Variants in LCORL observed in about 807,000 individuals in gnomAD.
The protein encoded by LCORL is ligand dependent nuclear receptor corepressor like, also known as ligand-dependent nuclear receptor corepressor-like protein.
A neutral mutation model predicts 141.8 loss-of-function variants in LCORL; 41 were observed. The ratio of observed to expected loss-of-function variants is 0.29; its 90% confidence interval spans 0.23 to 0.38. LCORL has a LOEUF of 0.38. LCORL is among the 10% of genes least tolerant of loss of function. LCORL has a pLI of 1.00. For synonymous variants in LCORL, 618 were observed against 694.1 expected (o/e 0.89, Z 1.72); for missense variants, 1,759 against 2,035.0 (o/e 0.86, Z 2.61).
intron 4 of LCORL, among the ~76,000 whole-genome samples, chr4:17,910,946 G>C (rs1732422114): frequency 6.6e-6 from 1 of 152,184 alleles, no homozygotes; most frequent in South Asian, 2.1e-4. Flanking sequence ...TTTAGAACCT[G>C]ATAGGAAAGA....
At chr4:17,882,892 C>A in intron 6 of LCORL, 1 of 965,576 alleles carries the variant, frequency 1.0e-6, no homozygotes, top group Non-Finnish European at 1.2e-6. Flanking sequence ...TCTTTTCTAA[C>A]CTTACACATT....
At chr4:18,002,048 A>G (rs992185654) in intron 1 of LCORL, among the ~76,000 whole-genome samples, 6 of 151,960 alleles carry the variant, frequency 3.9e-5, no homozygotes, top group Non-Finnish European at 7.4e-5. Flanking sequence ...CACCCAAGAC[A>G]TAAGTACCAA....
intron 4 of LCORL, among the ~76,000 whole-genome samples, chr4:17,941,801 G>A (rs965588856): frequency 1.5e-4 from 23 of 151,706 alleles, no homozygotes; most frequent in African/African-American, 4.8e-4. Flanking sequence ...GAGTTGTAGT[G>A]GAAATTTGAC....
At chr4:17,978,299 T>C (rs1717360678) in intron 1 of LCORL, among the ~76,000 whole-genome samples, 1 of 152,144 alleles carries the variant, frequency 6.6e-6, no homozygotes, top group Non-Finnish European at 1.5e-5. Context: ...AAAGTTCATT[T>C]TGAGGTTGTT....
At chr4:17,949,277 C>A (rs563635441) in intron 4 of LCORL, among the ~76,000 whole-genome samples, 21 of 152,082 alleles carry the variant, frequency 1.4e-4, no homozygotes, top group African/African-American at 4.8e-4. Context: ...CATAGTGATG[C>A]TAAGGGTGGG....
intron 4 of LCORL, among the ~76,000 whole-genome samples, chr4:17,926,032 T>C (rs1735087261): frequency 6.6e-6 from 1 of 152,186 alleles, no homozygotes; most frequent in Non-Finnish European, 1.5e-5. Flanking sequence ...CTTTATGTAA[T>C]AGCATTTGGA....
At chr4:17,998,774 G>A (rs910010650) in intron 1 of LCORL, among the ~76,000 whole-genome samples, 6 of 151,382 alleles carry the variant, frequency 4.0e-5, no homozygotes, top group African/African-American at 1.5e-4. Flanking sequence ...AGACCAGCCT[G>A]GGCAACATAA....
chr4:17,999,960 G>T (rs1011779623), intron 1 of LCORL, among the ~76,000 whole-genome samples: 2 of 152,176 alleles, frequency 1.3e-5, no homozygotes, highest in Admixed American at 6.5e-5. Flanking sequence ...TACAATAGCT[G>T]TGGGGTAGAA....
At chr4:17,934,416 T>C (rs1736529831) in intron 4 of LCORL, among the ~76,000 whole-genome samples, 1 of 152,092 alleles carries the variant, frequency 6.6e-6, no homozygotes, top group South Asian at 2.1e-4. Flanking sequence ...AAAAATTGAA[T>C]TAAGTGAAAA....
At chr4:17,911,572 C>T (rs751664392) in intron 4 of LCORL, 6 of 292,996 alleles carry the variant, frequency 2.0e-5, no homozygotes, top group Non-Finnish European at 3.3e-5. Context: ...TTTGAAAAAG[C>T]TTATGAGGAT....
At chr4:17,887,934 T>C (rs952220995) in intron 5 of LCORL, among the ~76,000 whole-genome samples, 1 of 152,024 alleles carries the variant, frequency 6.6e-6, no homozygotes, top group Non-Finnish European at 1.5e-5. Flanking sequence ...CAACCCCTCC[T>C]AATTCTCACC....
At chr4:17,991,013 G>A (rs1299978288) in intron 1 of LCORL, among the ~76,000 whole-genome samples, 3 of 152,130 alleles carry the variant, frequency 2.0e-5, no homozygotes, top group Non-Finnish European at 4.4e-5. Flanking sequence ...AGCTTTTTGA[G>A]AGTAAATGTT....
At chr4:17,864,157 A>C (rs1045193980) in intron 7 of LCORL, among the ~76,000 whole-genome samples, 7 of 152,188 alleles carry the variant, frequency 4.6e-5, no homozygotes, top group Non-Finnish European at 1.0e-4. Context: ...TTGGCTACCC[A>C]TGAAGTACTA....
At position 18,021,822 on chromosome 4, in the gene LCORL, G is replaced by A. The variant is rs968116592; in HGVS notation, c.-71C>T. The A allele has an allele frequency of 1.4e-6, 2 of 1,390,040 alleles. No homozygotes were observed. The highest frequency in any genetic ancestry group is 5.9e-5 in the East Asian group (2 of 34,162). 86.1% of individuals were successfully genotyped at this position (1,390,040 alleles called of 1,614,324 possible). A position where few individuals can be genotyped will look rare whatever the true frequency, so the allele number is the denominator to read the frequency against. On this transcript the variant is annotated 5_prime_UTR_variant, in exon 1 of 8. Coordinates refer to ENST00000635767, the Ensembl canonical transcript of LCORL. This position sits in a 1 kb window ranked among gnomAD's most constrained non-coding sequence, Gnocchi z 5.5. ...GCACGAGGCAGGGGCGCGAGCCCTC[G>A]GCGCGAGCCCCGGAGCGCGCGCCCC...
chr4:17,962,255 C>CAAA (rs369162765), intron 3 of LCORL, among the ~76,000 whole-genome samples: 1 of 114,868 alleles, frequency 8.7e-6, no homozygotes. Flanking sequence ...AAACTACAGT[C>CAAA]AAAAAAAAAA....
At chr4:17,843,460 G>C in exon 8 of LCORL, 2 of 1,601,832 alleles carry the variant, frequency 1.2e-6, no homozygotes, top group Non-Finnish European at 1.7e-6. Context: ...TTAAGATTAT[G>C]TCCAGTTATT....
chr4:17,842,196 T>C (rs768824435), exon 8 of LCORL: 39 of 803,670 alleles, frequency 4.9e-5, no homozygotes, highest in Non-Finnish European at 8.0e-5. Context: ...AGGAGATACA[T>C]GTGTTGAAAG....
chr4:17,941,458 C>CA (rs757998970), intron 4 of LCORL, among the ~76,000 whole-genome samples: 1,717 of 138,534 alleles, frequency 0.012, 18 homozygotes, highest in African/African-American at 0.035. Context: ...GACTCTGTCT[C>CA]AAAAAAAAAA....
intron 6 of LCORL, among the ~76,000 whole-genome samples, chr4:17,879,622 A>G (rs1727304709): frequency 6.6e-6 from 1 of 151,046 alleles, no homozygotes; most frequent in South Asian, 2.1e-4. Flanking sequence ...CCAGGATTCA[A>G]TTACATAGTT....
Sources: gnomAD v4.1 joint callset for allele counts (sites outside exome capture counted in the v4.1 genomes callset) on GRCh38, gnomAD v4.1.1 for gene constraint, Gnocchi (gnomAD v3.1) non-coding constraint, MANE v1.5 for transcripts, NCBI Gene and HGNC (gene_info 2026-07-23, HGNC 2026-07-21) for gene names.